The following MECOM variants were observed in gnomAD, a reference collection of about 807,000 sequenced individuals.
MECOM encodes the protein histone-lysine N-methyltransferase MECOM.
In MECOM, 13 loss-of-function variants were observed where a neutral mutation model predicts 116.3. The observed-to-expected ratio is 0.11, with a 90% CI of 0.07 to 0.18. The LOEUF (loss-of-function observed/expected upper bound fraction) is 0.18, where lower values mean the gene tolerates loss of function less well. Ranked by LOEUF, MECOM falls within the 10% of genes least tolerant of loss-of-function variation. The pLI, the probability that MECOM is intolerant of heterozygous loss-of-function variation, is 1.00. For missense variants in MECOM, 1,299 were observed against 1,509.0 expected (o/e 0.86, Z 2.31); for synonymous variants, 528 against 535.2 (o/e 0.99, Z 0.19).
At chr3:169,402,030 G>A (rs1238240180) in intron 1 of MECOM, among the ~76,000 whole-genome samples, 2 of 152,180 alleles carry the variant, frequency 1.3e-5, no homozygotes, top group Admixed American at 1.3e-4. Context: ...ACCAGTCAGA[G>A]GCTGTTTCAG....
chr3:169,263,912 A>C (rs1392343297), intron 2 of MECOM, among the ~76,000 whole-genome samples: 1 of 152,120 alleles, frequency 6.6e-6, no homozygotes, highest in Non-Finnish European at 1.5e-5. Flanking sequence ...AACAAATGAA[A>C]ATTATTTTTG....
chr3:169,363,367 A>ATATAATT (rs2149828596), intron 2 of MECOM, among the ~76,000 whole-genome samples: 1 of 152,090 alleles, frequency 6.6e-6, no homozygotes, highest in East Asian at 1.9e-4. Flanking sequence ...TGTCAGATTG[A>ATATAATT]TATAATTTCT....
At chr3:169,368,432 A>C (rs1052958451) in intron 2 of MECOM, among the ~76,000 whole-genome samples, 10 of 152,036 alleles carry the variant, frequency 6.6e-5, no homozygotes, top group African/African-American at 2.4e-4. Context: ...ATTAATAAAA[A>C]TTTTTATTTA....
At chr3:169,133,344 A>G (rs952656077) in intron 3 of MECOM, 5 of 152,222 alleles carry the variant, frequency 3.3e-5, no homozygotes, top group Non-Finnish European at 5.9e-5. Context: ...AGAACTTTGT[A>G]CGTGCCTCTT....
chr3:169,522,257 C>A (rs762738686), intron 1 of MECOM, among the ~76,000 whole-genome samples: 2 of 151,974 alleles, frequency 1.3e-5, no homozygotes, highest in Non-Finnish European at 2.9e-5. Context: ...ACTTACTAAA[C>A]AAAAAAAGTA....
chr3:169,179,148 A>C (rs1577264671), intron 2 of MECOM, among the ~76,000 whole-genome samples: 1 of 152,208 alleles, frequency 6.6e-6, no homozygotes, highest in Non-Finnish European at 1.5e-5. Context: ...AAGGCTACTC[A>C]TGTGCTTTCT....
chr3:169,152,968 C>G (rs1165610626), intron 2 of MECOM, among the ~76,000 whole-genome samples: 2 of 152,072 alleles, frequency 1.3e-5, no homozygotes, highest in Non-Finnish European at 2.9e-5. Context: ...CTGAAACAAC[C>G]GCTCTGGTGA....
chr3:169,553,339 GC>G (rs1423899496), intron 1 of MECOM, among the ~76,000 whole-genome samples: 2 of 152,080 alleles, frequency 1.3e-5, no homozygotes, highest in African/African-American at 4.8e-5. Context: ...AGTGATAAGT[GC>G]TAAAAAAAGA....
intron 2 of MECOM, among the ~76,000 whole-genome samples, chr3:169,368,972 C>T (rs1430394090): frequency 3.3e-5 from 5 of 151,958 alleles, no homozygotes; most frequent in African/African-American, 9.7e-5. Context: ...CTTTGAAAAA[C>T]GATTGATTCA....
At chr3:169,126,712 C>T (rs1342425158) in intron 5 of MECOM, among the ~76,000 whole-genome samples, 1 of 151,956 alleles carries the variant, frequency 6.6e-6, no homozygotes, top group African/African-American at 2.4e-5. Flanking sequence ...TGCTTAATGC[C>T]TTTTAGTCAT....
intron 2 of MECOM, among the ~76,000 whole-genome samples, chr3:169,222,967 A>G (rs1247211042): frequency 2.0e-5 from 3 of 152,154 alleles, no homozygotes; most frequent in Non-Finnish European, 4.4e-5. Context: ...AGAAAATGCA[A>G]AGTGAGGAAA....
intron 1 of MECOM, among the ~76,000 whole-genome samples, chr3:169,603,563 C>A (rs1331391616): frequency 7.2e-5 from 11 of 152,364 alleles, no homozygotes; most frequent in Admixed American, 6.5e-4. Context: ...CCCAGAGCAA[C>A]TTCCAGTCCT....
intron 1 of MECOM, among the ~76,000 whole-genome samples, chr3:169,518,258 C>CA (rs11333455): frequency 0.24 from 34,559 of 142,706 alleles, 4,719 homozygotes; most frequent in Non-Finnish European, 0.33. Context: ...GACTCCATCT[C>CA]AAAAAAAAAA....
At chr3:169,599,727 G>T (rs1302109304) in intron 1 of MECOM, among the ~76,000 whole-genome samples, 1 of 152,080 alleles carries the variant, frequency 6.6e-6, no homozygotes, top group Non-Finnish European at 1.5e-5. Context: ...TTAGCAATTT[G>T]CAAAAAGAGA....
intron 2 of MECOM, among the ~76,000 whole-genome samples, chr3:169,214,426 T>C (rs1011981246): frequency 4.1e-5 from 6 of 147,114 alleles, no homozygotes; most frequent in Admixed American, 3.4e-4. Context: ...CCAGGAGTGT[T>C]TAAAAAAAAA....
intron 1 of MECOM, among the ~76,000 whole-genome samples, chr3:169,651,906 T>C (rs1280135951): frequency 6.6e-6 from 1 of 152,200 alleles, no homozygotes; most frequent in African/African-American, 2.4e-5. Flanking sequence ...GGTGGTCATC[T>C]GCAGGCAATT....
At chr3:169,595,442 A>G (rs1279382404) in intron 1 of MECOM, among the ~76,000 whole-genome samples, 1 of 152,224 alleles carries the variant, frequency 6.6e-6, no homozygotes, top group Non-Finnish European at 1.5e-5. Flanking sequence ...AATTATACAC[A>G]TATACACTTT....
chr3:169,517,722 C>A (rs1183003912), intron 1 of MECOM, among the ~76,000 whole-genome samples: 1 of 152,110 alleles, frequency 6.6e-6, no homozygotes, highest in African/African-American at 2.4e-5. Context: ...AAGACACTCC[C>A]AAAACAAGAA....
At chr3:169,475,045 T>C (rs1451176501) in intron 1 of MECOM, among the ~76,000 whole-genome samples, 1 of 151,882 alleles carries the variant, frequency 6.6e-6, no homozygotes, top group Non-Finnish European at 1.5e-5. Context: ...ACTCCTACTG[T>C]ATTCTCCTCA....
Sources: gnomAD v4.1 joint callset for allele counts (sites outside exome capture counted in the v4.1 genomes callset) on GRCh38, gnomAD v4.1.1 for gene constraint, MANE v1.5 for transcripts, NCBI Gene and HGNC (gene_info 2026-07-23, HGNC 2026-07-21) for gene names.